SLC24A2: variants seen among roughly 807,000 people sequenced by gnomAD.
SLC24A2 encodes the protein solute carrier family 24 member 2.
SLC24A2 carries 36 observed loss-of-function variants against 62.0 expected under a neutral mutation model. The ratio of observed to expected loss-of-function variants is 0.58; its 90% confidence interval spans 0.44 to 0.77. SLC24A2 has a LOEUF of 0.77. Among genes scored for constraint, SLC24A2 ranks in the 30% least tolerant of loss-of-function variants. SLC24A2 has a pLI of 0.00. For synonymous variants in SLC24A2, 358 were observed against 294.0 expected (o/e 1.22, Z -2.23); for missense variants, 846 against 817.9 (o/e 1.03, Z -0.42).
the SLC24A2 span, among the ~76,000 whole-genome samples, chr9:19,816,020 G>A: frequency 3.7e-5 from 4 of 109,440 alleles, no homozygotes; most frequent in Admixed American, 1.1e-4. Context: ...TTGCTTTGAT[G>A]GCTTTTCCCA....
the SLC24A2 span, among the ~76,000 whole-genome samples, chr9:20,295,481 A>T: frequency 6.6e-6 from 1 of 152,178 alleles, no homozygotes; most frequent in East Asian, 1.9e-4. Context: ...CTGGTAAATC[A>T]TTATTCTGGG....
Position 19,514,212 on chromosome 9 carries a change from A to T in SLC24A2, c.*1941T>A, listed in dbSNP as rs942231032. On this transcript the variant is annotated 3_prime_UTR_variant, in exon 11 of 11. Coordinates refer to ENST00000341998, the MANE Select transcript of SLC24A2 (RefSeq NM_020344.4). ...TTTTCTGGAAGGAATACTGAGCTTG[A>T]TCTGGGGCTGTCAGGTTACCTTTCC... The T allele has an allele frequency of 3.9e-5, 6 of 152,162 alleles. No homozygotes were observed. The South Asian group carries it at 6.2e-4, about 16-fold the overall frequency. 9.4% of individuals were successfully genotyped at this position (152,162 alleles called of 1,614,324 possible). A position where few individuals can be genotyped will look rare whatever the true frequency, so the allele number is the denominator to read the frequency against.
At chr9:19,815,626 A>C in the SLC24A2 span, among the ~76,000 whole-genome samples, 1 of 152,166 alleles carries the variant, frequency 6.6e-6, no homozygotes, top group African/African-American at 2.4e-5. Context: ...TGCGTTATGC[A>C]CAAATCCACA....
the SLC24A2 span, among the ~76,000 whole-genome samples, chr9:20,049,585 T>G: frequency 1.3e-5 from 2 of 150,906 alleles, no homozygotes; most frequent in East Asian, 3.9e-4. Context: ...TAGAAAAAGC[T>G]ACACTAAGTA....
chr9:19,780,557 C>T (rs1229119075), intron 2 of SLC24A2, among the ~76,000 whole-genome samples: 3 of 151,438 alleles, frequency 2.0e-5, no homozygotes, highest in Non-Finnish European at 4.4e-5. Flanking sequence ...TGAGCCACCG[C>T]GCCCGGCCAC....
intron 2 of SLC24A2, among the ~76,000 whole-genome samples, chr9:19,643,358 TA>T (rs1218560183): frequency 6.6e-6 from 1 of 152,228 alleles, no homozygotes; most frequent in Non-Finnish European, 1.5e-5. Flanking sequence ...CTTGTTTGTA[TA>T]AAGTATATTT....
At chr9:19,573,762 T>C (rs2132845860) in intron 6 of SLC24A2, among the ~76,000 whole-genome samples, 1 of 152,224 alleles carries the variant, frequency 6.6e-6, no homozygotes, top group African/African-American at 2.4e-5. Context: ...TGCTCTGGCA[T>C]GACACTTTAC....
At chr9:19,550,017 T>C in intron 8 of SLC24A2, 120 bp downstream of exon 8, 1 of 940,338 alleles carries the variant, frequency 1.1e-6, no homozygotes, top group South Asian at 1.3e-5. Flanking sequence ...ATGGGGTATA[T>C]GTGAGATTTT....
intron 7 of SLC24A2, among the ~76,000 whole-genome samples, chr9:19,556,154 G>A (rs1447911378): frequency 6.6e-6 from 1 of 152,108 alleles, no homozygotes; most frequent in Non-Finnish European, 1.5e-5. Context: ...ATTTTTATCT[G>A]GTAAATGGGA....
chr9:20,060,976 C>T, the SLC24A2 span, among the ~76,000 whole-genome samples: 8 of 151,948 alleles, frequency 5.3e-5, 1 homozygote, highest in African/African-American at 1.9e-4. Flanking sequence ...GTAAATGTAA[C>T]AAAAGAAACT....
the SLC24A2 span, among the ~76,000 whole-genome samples, chr9:20,019,872 C>A: frequency 1.7e-4 from 22 of 129,578 alleles, no homozygotes; most frequent in African/African-American, 6.0e-4. Context: ...AACAAATTTA[C>A]CAGAAAAAAA....
the SLC24A2 span, among the ~76,000 whole-genome samples, chr9:19,824,988 G>A: frequency 3.3e-5 from 5 of 152,256 alleles, 1 homozygote; most frequent in African/African-American, 1.2e-4. Flanking sequence ...CATGGACACA[G>A]GGAGGGGAAC....
intron 2 of SLC24A2, among the ~76,000 whole-genome samples, chr9:19,683,496 A>C (rs1819783486): frequency 6.6e-6 from 1 of 150,592 alleles, no homozygotes; most frequent in Admixed American, 6.6e-5. Flanking sequence ...GGTGATCTTC[A>C]TTTCACATTC....
the SLC24A2 span, among the ~76,000 whole-genome samples, chr9:19,970,596 TC>T: frequency 6.6e-6 from 1 of 152,142 alleles, no homozygotes; most frequent in African/African-American, 2.4e-5. Context: ...TTAGTATTAT[TC>T]CTTGGATGTT....
the SLC24A2 span, among the ~76,000 whole-genome samples, chr9:20,012,036 C>T: frequency 6.6e-6 from 1 of 152,092 alleles, no homozygotes; most frequent in Non-Finnish European, 1.5e-5. Context: ...GGAATTTACT[C>T]AACATAAACA....
rs529694539 is a variant in SLC24A2 at position 19,678,456 on chromosome 9, TA to T, written c.931-56158del. ...CCATGAAATGATTAAAACAACCAAA[TA>T]AAGCACTAGCCTTTTGATTTCTCTT... On this transcript the variant is annotated intron_variant, in intron 2 of 10. Coordinates refer to ENST00000341998, the MANE Select transcript of SLC24A2 (RefSeq NM_020344.4). Among the ~76,000 whole-genome samples, 106 of 152,320 alleles carry T rather than the reference TA, an allele frequency of 7.0e-4. 1 individual carries two copies. Among genetic ancestry groups the T allele is most frequent in the African/African-American group, 2.5e-3 (105 of 41,586 alleles).
the SLC24A2 span, among the ~76,000 whole-genome samples, chr9:19,815,887 G>T: frequency 6.6e-6 from 1 of 151,092 alleles, no homozygotes; most frequent in African/African-American, 2.4e-5. Context: ...AATGGGTAAT[G>T]GAGTATAAGT....
the SLC24A2 span, among the ~76,000 whole-genome samples, chr9:20,291,018 G>C: frequency 3.3e-5 from 5 of 152,190 alleles, no homozygotes; most frequent in Admixed American, 2.0e-4. Context: ...CTGGATTTCA[G>C]CCCCACTCAC....
intron 7 of SLC24A2, among the ~76,000 whole-genome samples, chr9:19,560,176 G>T (rs187082932): frequency 6.6e-6 from 1 of 152,148 alleles, no homozygotes; most frequent in South Asian, 2.1e-4. Context: ...AACAGGGAGA[G>T]TCTGGAAGAA....
Sources: allele counts gnomAD v4.1 joint callset (sites outside exome capture counted in the v4.1 genomes callset), GRCh38; gene constraint gnomAD v4.1.1; transcripts MANE v1.5; gene names NCBI Gene and HGNC (gene_info 2026-07-23, HGNC 2026-07-21).